DLG1: variants seen among roughly 807,000 people sequenced by gnomAD.
The protein encoded by DLG1 is discs large MAGUK scaffold protein 1, also known as disks large homolog 1.
In DLG1, 42 loss-of-function variants were observed where a neutral mutation model predicts 123.4. That is an observed-to-expected ratio of 0.34 (90% CI 0.27 to 0.44). The LOEUF is 0.44. DLG1 is among the 20% of genes least tolerant of loss of function. The pLI is 1.00. For missense variants in DLG1, 942 were observed against 1,082.6 expected (o/e 0.87, Z 1.82); for synonymous variants, 317 against 356.2 (o/e 0.89, Z 1.24).
chr3:197,095,046 A>G (rs1186507779), intron 14 of DLG1, among the ~76,000 whole-genome samples: 1 of 152,154 alleles, frequency 6.6e-6, no homozygotes, highest in South Asian at 2.1e-4. Flanking sequence ...GGAGACTCCT[A>G]TTACATGCAT....
chr3:197,125,389 G>C (rs891195815), intron 11 of DLG1, among the ~76,000 whole-genome samples: 1 of 152,180 alleles, frequency 6.6e-6, no homozygotes, highest in Non-Finnish European at 1.5e-5. Context: ...GCCTGCACCA[G>C]TGTTGGGGGA....
intron 11 of DLG1, among the ~76,000 whole-genome samples, chr3:197,127,391 C>G (rs1255324962): frequency 8.0e-6 from 1 of 124,296 alleles, no homozygotes; most frequent in Non-Finnish European, 1.6e-5. Flanking sequence ...CCACTGCACT[C>G]CAGCCTGGGC....
rs1212966186 is a variant in DLG1 at position 197,232,366 on chromosome 3, A to C, written c.319-37777T>G. Among the ~76,000 whole-genome samples the C allele has an allele frequency of 2.0e-5, 3 of 151,526 alleles. No individual in the cohort carries two copies. In the East Asian group the frequency reaches 5.8e-4, roughly 29 times the overall value. ...ATGACAGAGACCTTGTCTCTTAAAAAAAAAAAAAAAAAAAGGTGCAAGAAG... is the reference window on the plus strand; with the variant it reads ...ATGACAGAGACCTTGTCTCTTAAAACAAAAAAAAAAAAAAGGTGCAAGAAG... On this transcript the variant is annotated intron_variant, in intron 4 of 24. Transcript: ENST00000667157.
intron 11 of DLG1, among the ~76,000 whole-genome samples, chr3:197,128,499 A>G (rs1390793379): frequency 1.3e-5 from 2 of 152,198 alleles, no homozygotes; most frequent in African/African-American, 4.8e-5. Flanking sequence ...TGGAATCAAC[A>G]TCTTTGAAAC....
intron 13 of DLG1, among the ~76,000 whole-genome samples, chr3:197,113,382 T>C (rs370673440): frequency 1.6e-4 from 24 of 152,354 alleles, no homozygotes; most frequent in African/African-American, 4.3e-4. Context: ...AATGTGACTG[T>C]AGATTTGTCC....
chr3:197,263,699 A>C (rs1760510617), intron 4 of DLG1, among the ~76,000 whole-genome samples: 1 of 152,192 alleles, frequency 6.6e-6, no homozygotes, highest in Non-Finnish European at 1.5e-5. Flanking sequence ...AGGTGGGAGA[A>C]TCACTTGAAC....
chr3:197,245,124 T>C (rs1004646750), intron 4 of DLG1, among the ~76,000 whole-genome samples: 1 of 152,184 alleles, frequency 6.6e-6, no homozygotes, highest in Non-Finnish European at 1.5e-5. Context: ...GTTTGGTTCA[T>C]TCTTTCTACT....
chr3:197,240,976 G>C (rs1186779984), intron 4 of DLG1, among the ~76,000 whole-genome samples: 2 of 151,916 alleles, frequency 1.3e-5, no homozygotes, highest in African/African-American at 4.8e-5. Context: ...AAAAGCATGA[G>C]GTAGAAAGCT....
chr3:197,231,577 T>C (rs1212771660), intron 4 of DLG1, among the ~76,000 whole-genome samples: 1 of 151,662 alleles, frequency 6.6e-6, no homozygotes, highest in African/African-American at 2.4e-5. Flanking sequence ...GGCAGGCGCC[T>C]GTAGTCCCAG....
At chr3:197,290,897 T>TA (rs34807556) in intron 3 of DLG1, among the ~76,000 whole-genome samples, 12,332 of 87,828 alleles carry the variant, frequency 0.14, 812 homozygotes, top group Non-Finnish European at 0.17. Flanking sequence ...CTCCAAATAG[T>TA]AAAAAAAAAA....
chr3:197,100,217 A>G (rs569787603), intron 14 of DLG1, among the ~76,000 whole-genome samples: 7 of 152,358 alleles, frequency 4.6e-5, no homozygotes, highest in Non-Finnish European at 1.0e-4. Context: ...ATCTTCCCAG[A>G]TTATCTCCAC....
intron 15 of DLG1, among the ~76,000 whole-genome samples, chr3:197,086,810 A>T (rs1266434488): frequency 6.6e-6 from 1 of 152,180 alleles, no homozygotes; most frequent in Non-Finnish European, 1.5e-5. Flanking sequence ...ATAGAAAATA[A>T]AGTACCTTAA....
chr3:197,135,588 T>C (rs1784691168), intron 10 of DLG1, among the ~76,000 whole-genome samples: 1 of 152,120 alleles, frequency 6.6e-6, no homozygotes, highest in Non-Finnish European at 1.5e-5. Flanking sequence ...AATACACTGA[T>C]GAAGACTGGA....
At chr3:197,182,972 G>T (rs1446696317) in intron 5 of DLG1, among the ~76,000 whole-genome samples, 3 of 152,018 alleles carry the variant, frequency 2.0e-5, no homozygotes, top group African/African-American at 7.2e-5. Context: ...AATATTCCAT[G>T]ACTGTGTAAT....
At chr3:197,097,529 G>T (rs987710348) in intron 14 of DLG1, among the ~76,000 whole-genome samples, 1 of 151,522 alleles carries the variant, frequency 6.6e-6, no homozygotes, top group Non-Finnish European at 1.5e-5. Context: ...TGAGGGAGAG[G>T]AGGAGTTTTG....
At position 197,267,752 on chromosome 3, in the gene DLG1, C is replaced by T. The variant is rs1339636719; in HGVS notation, c.318+14927G>A. 3.3e-5 allele frequency among the ~76,000 whole-genome samples: 5 copies of T among 152,090 alleles called. 1 individual carries two copies. Among genetic ancestry groups the T allele is most frequent in the Admixed American group, 2.6e-4 (4 of 15,280 alleles). On this transcript the variant is annotated intron_variant, in intron 4 of 24. Coordinates refer to ENST00000667157, the MANE Select transcript of DLG1 (RefSeq NM_001366207.1). ...GAAGTCTTTTTTTATATTCTTTTCC[C>T]GAGATAACCTCTTTTAACCATTTGG...
At chr3:197,175,723 G>A (rs1806662406) in intron 5 of DLG1, among the ~76,000 whole-genome samples, 1 of 152,164 alleles carries the variant, frequency 6.6e-6, no homozygotes, top group Admixed American at 6.5e-5. Flanking sequence ...ACACCCTGTA[G>A]CATCAGCTCT....
At chr3:197,148,013 G>A (rs1030429617) in intron 6 of DLG1, among the ~76,000 whole-genome samples, 2 of 151,320 alleles carry the variant, frequency 1.3e-5, no homozygotes, top group African/African-American at 4.9e-5. Flanking sequence ...TAGGATAAAA[G>A]ATAAACACCT....
At chr3:197,145,055 T>TCTCACACACA (rs1553956085) in intron 6 of DLG1, among the ~76,000 whole-genome samples, 4 of 148,634 alleles carry the variant, frequency 2.7e-5, no homozygotes, top group South Asian at 2.2e-4. Context: ...TCTCTCTCTC[T>TCTCACACACA]CACACACACA....
Sources: allele counts gnomAD v4.1 joint callset (sites outside exome capture counted in the v4.1 genomes callset), GRCh38; gene constraint gnomAD v4.1.1; transcripts MANE v1.5; gene names NCBI Gene and HGNC (gene_info 2026-07-23, HGNC 2026-07-21).